Variants in SH3GL1 observed in about 807,000 individuals in gnomAD.
SH3GL1 encodes endophilin-A2.
A neutral mutation model predicts 48.8 loss-of-function variants in SH3GL1; 21 were observed. The observed-to-expected ratio is 0.43, with a 90% CI of 0.30 to 0.62. The LOEUF is 0.62. SH3GL1 is among the 20% of genes least tolerant of loss of function. The pLI, the probability that SH3GL1 is intolerant of heterozygous loss-of-function variation, is 0.11. For synonymous variants in SH3GL1, 282 were observed against 217.5 expected (o/e 1.30, Z -2.61); for missense variants, 454 against 503.0 (o/e 0.90, Z 0.93).
intron 1 of SH3GL1, among the ~76,000 whole-genome samples, chr19:4,378,140 A>G (rs1245686909): frequency 6.6e-6 from 1 of 152,216 alleles, no homozygotes; most frequent in Non-Finnish European, 1.5e-5. Context: ...GTCACTGAGT[A>G]TATGGTGAGA....
chr19:4,373,333 C>T (rs1972940313), intron 1 of SH3GL1, among the ~76,000 whole-genome samples: 1 of 152,180 alleles, frequency 6.6e-6, no homozygotes, highest in Non-Finnish European at 1.5e-5. Flanking sequence ...GCCGGGGCTC[C>T]CCTCAGCATC....
chr19:4,385,785 T>C (rs889074775), intron 1 of SH3GL1, among the ~76,000 whole-genome samples: 16 of 152,100 alleles, frequency 1.1e-4, no homozygotes, highest in African/African-American at 3.6e-4. Context: ...GAAATAAAAA[T>C]GTAAAAGCTA....
rs1972641006 is a variant in SH3GL1, at chr19:4,362,332, T to A, written c.907A>T (p.Met303Leu). The A allele has an allele frequency of 1.2e-6, 2 of 1,611,534 alleles. No individual in the cohort carries two copies. Among genetic ancestry groups the A allele is most frequent in the African/African-American group, 2.7e-5 (2 of 74,900 alleles). Residue 303 changes from methionine (M) to leucine (L), a missense_variant, in exon 9 of 10, where the codon ATG (methionine) becomes TTG (leucine). Met to Leu is a conservative substitution (Grantham distance 15, BLOSUM62 2). Transcript: ENST00000269886. ...AGGCGGGCCTGGGAACACTCACGCA[T>A]GCTCCGGCTAGGGGTCCGGATGGGC... ...DKPIRTPSRSMPPLDQPSCKA... is the reference protein window; with the variant it reads ...DKPIRTPSRSLPPLDQPSCKA...
chr19:4,377,778 C>T (rs901027354), intron 1 of SH3GL1, among the ~76,000 whole-genome samples: 4 of 152,224 alleles, frequency 2.6e-5, no homozygotes, highest in Non-Finnish European at 5.9e-5. Flanking sequence ...GGTGGAAACC[C>T]GGGCTGGGAA....
Position 4,362,645 on chromosome 19 carries a change from C to T in SH3GL1, c.820G>A (p.Gly274Ser). The T allele has an allele frequency of 6.2e-7, 1 of 1,613,888 alleles. No individual in the cohort carries two copies. The highest frequency in any genetic ancestry group is 8.5e-7 in the Non-Finnish European group (1 of 1,179,990). The change falls in exon 8 of 10, where the codon GGC becomes AGC. Residue 274 changes from glycine (G) to serine (S), a missense_variant. This residue lies in a region of SH3GL1 where 278 missense variants were observed against 246.8 expected (regional missense o/e 1.13). Transcript: ENST00000269886. ...DLGEPEQSNG[G>S]FPCTTAPKIA... ...TTGGGGGCTGTGGTGCAGGGGAAGCCCCCGTTGGACTGCTCAGGCTCTCCA... is the reference window on the plus strand; with the variant it reads ...TTGGGGGCTGTGGTGCAGGGGAAGCTCCCGTTGGACTGCTCAGGCTCTCCA...
intron 1 of SH3GL1, among the ~76,000 whole-genome samples, chr19:4,379,541 C>T (rs1343434814): frequency 6.6e-6 from 1 of 152,140 alleles, no homozygotes; most frequent in African/African-American, 2.4e-5. Flanking sequence ...CTGTCTCACA[C>T]CCCAGGCAGC....
chr19:4,390,328 G>A (rs185235447), intron 1 of SH3GL1: 1 of 152,506 alleles, frequency 6.6e-6, no homozygotes, highest in African/African-American at 2.4e-5. Context: ...GCAGTGCTCA[G>A]GAAAAGTGCT....
intron 1 of SH3GL1, among the ~76,000 whole-genome samples, chr19:4,396,825 C>T (rs568730052): frequency 1.1e-4 from 17 of 152,128 alleles, no homozygotes; most frequent in Non-Finnish European, 2.2e-4. Context: ...GCTGTGACAA[C>T]CAAAAAGGTC....
intron 1 of SH3GL1, among the ~76,000 whole-genome samples, chr19:4,372,911 C>A (rs969259237): frequency 6.6e-6 from 1 of 152,196 alleles, no homozygotes; most frequent in African/African-American, 2.4e-5. Flanking sequence ...GAGGCCCTTG[C>A]GTGCTGACTA....
chr19:4,365,407 C>T, intron 4 of SH3GL1, 75 bp downstream of exon 4: 2 of 1,591,992 alleles, frequency 1.3e-6, no homozygotes, highest in South Asian at 2.2e-5. Flanking sequence ...ACATGCAGGG[C>T]CTGGACCTGC....
At chr19:4,369,756 C>T (rs1972858402) in intron 1 of SH3GL1, among the ~76,000 whole-genome samples, 1 of 152,270 alleles carries the variant, frequency 6.6e-6, no homozygotes, top group East Asian at 1.9e-4. Context: ...AGGCTGTGCC[C>T]TAACTACCCG....
In SH3GL1 at chr19:4,367,088, C is replaced by T. The variant is rs1402549337; in HGVS notation, c.46-94G>A. The stretch of plus-strand genomic sequence containing the variant: ...AGCCGCCTTCCAGCCACATCGCATC[C>T]ACAGCTGGAGGCAGGAGGCCAAGTG... On this transcript the variant is annotated intron_variant, in intron 1 of 9. Transcript: ENST00000269886. The surrounding 1 kb of genome is among the most constrained non-coding windows in gnomAD (Gnocchi z 4.2). 20 of 1,160,618 alleles carry T rather than the reference C, an allele frequency of 1.7e-5. No individual in the cohort carries two copies. Among genetic ancestry groups the T allele is most frequent in the Non-Finnish European group, 2.3e-5 (18 of 768,886 alleles). The allele number at this position is 1,160,618 out of a possible 1,614,324, so 71.9% of individuals were successfully genotyped here.
At position 4,389,745 on chromosome 19, in the gene SH3GL1, T is replaced by C. The variant is rs1439923214; in HGVS notation, c.45+10579A>G. On this transcript the variant is annotated intron_variant, in intron 1 of 9. Coordinates refer to ENST00000269886, the MANE Select transcript of SH3GL1 (RefSeq NM_003025.4). The surrounding 1 kb of genome is among the most constrained non-coding windows in gnomAD (Gnocchi z 4.5). The stretch of plus-strand genomic sequence containing the variant: ...CGGCTCCCTGGGGCAGGCCAGCCAG[T>C]AAACCAAACACTGGGGATGCAGCAA... 6.6e-6 allele frequency among the ~76,000 whole-genome samples: 1 copy of C among 152,140 alleles called. No individual in the cohort carries two copies. The highest frequency in any genetic ancestry group is 2.4e-5 in the African/African-American group (1 of 41,438).
At chr19:4,374,333 CGAGA>C (rs1157218871) in intron 1 of SH3GL1, among the ~76,000 whole-genome samples, 1 of 152,200 alleles carries the variant, frequency 6.6e-6, no homozygotes, top group Non-Finnish European at 1.5e-5. Context: ...TGACCATCCC[CGAGA>C]GAGAAAGGGG....
intron 1 of SH3GL1, among the ~76,000 whole-genome samples, chr19:4,385,214 C>T (rs963334093): frequency 2.0e-5 from 3 of 152,134 alleles, no homozygotes; most frequent in African/African-American, 4.8e-5. Context: ...AGTGAACGTG[C>T]GCAGTGAAGG....
At chr19:4,393,238 G>T (rs1973368400) in intron 1 of SH3GL1, among the ~76,000 whole-genome samples, 1 of 151,918 alleles carries the variant, frequency 6.6e-6, no homozygotes, top group Admixed American at 6.6e-5. Flanking sequence ...TCCAGCCTGG[G>T]CAATGGTGTG....
Position 4,379,762 on chromosome 19 carries a change from C to T in SH3GL1, c.46-12768G>A, listed in dbSNP as rs547554113. Among the ~76,000 whole-genome samples, 20 of 152,216 alleles carry T rather than the reference C, an allele frequency of 1.3e-4. No individual in the cohort carries two copies. The South Asian group carries it at 3.9e-3, about 30-fold the overall frequency. On this transcript the variant is annotated intron_variant, in intron 1 of 9. Transcript: ENST00000269886. ...GCGAGCCTGTGGCCGTGACTGTGACCCCTCACTGCCAGGATGGCTGCTGCT... is the reference window on the plus strand; with the variant it reads ...GCGAGCCTGTGGCCGTGACTGTGACTCCTCACTGCCAGGATGGCTGCTGCT...
At chr19:4,364,866 T>TTGTGTGTGTGTGTGTGTG (rs373324973) in intron 4 of SH3GL1, among the ~76,000 whole-genome samples, 1,621 of 96,886 alleles carry the variant, frequency 0.017, 32 homozygotes, top group Non-Finnish European at 0.021. Context: ...ACCCGGCTAA[T>TTGTGTGTGTGTGTGTGTG]TGTGTGTGTG....
chr19:4,365,648 G>A (rs368762018), intron 3 of SH3GL1, 23 bp from the exon 4 acceptor site: 86 of 1,612,768 alleles, frequency 5.3e-5, no homozygotes, highest in Middle Eastern at 1.6e-4. Flanking sequence ...GGCCAGGTGG[G>A]TGTGGGCTGT....
Sources: allele counts gnomAD v4.1 joint callset (sites outside exome capture counted in the v4.1 genomes callset), GRCh38; gene constraint gnomAD v4.1.1; regional missense constraint gnomAD v4.1.1; non-coding constraint Gnocchi (gnomAD v3.1); transcripts MANE v1.5; gene names NCBI Gene and HGNC (gene_info 2026-07-23, HGNC 2026-07-21).